Variants in ZNF860 observed in about 807,000 individuals in gnomAD.
ZNF860 encodes the protein zinc finger protein 860.
For missense variants in ZNF860, 641 were observed against 759.2 expected (o/e 0.84, Z 1.83); for synonymous variants, 206 against 248.9 (o/e 0.83, Z 1.62).
intron 1 of ZNF860, among the ~76,000 whole-genome samples, chr3:31,983,232 G>A (rs769629377): frequency 2.6e-5 from 4 of 152,228 alleles, no homozygotes; most frequent in Non-Finnish European, 4.4e-5. Context: ...CATACAGACT[G>A]AAGGTGGGAA....
At chr3:32,004,847 A>C in the ZNF860 span, among the ~76,000 whole-genome samples, 3 of 152,210 alleles carry the variant, frequency 2.0e-5, no homozygotes, top group Non-Finnish European at 4.4e-5. Flanking sequence ...TTACAGGTGC[A>C]TAAAATTAAG....
In ZNF860 at chr3:31,990,089, C is replaced by T. The variant is rs1699003482; in HGVS notation, c.1010C>T (p.Thr337Ile). ...CTTGAAAGACATAGGAGAATTCATA[C>T]TGGAGAGAAACCATACAAATGTAAG... ...SNLERHRRIHTGEKPYKCKVC... is the reference protein window; with the variant it reads ...SNLERHRRIHIGEKPYKCKVC... The change falls in exon 2 of 2, where the codon ACT becomes ATT. Residue 337 changes from threonine to isoleucine, a missense_variant. Thr to Ile is a moderately conservative substitution (Grantham distance 89). Transcript: ENST00000360311. 3 of 1,611,484 alleles carry T rather than the reference C, an allele frequency of 1.9e-6. No homozygotes were observed. Among genetic ancestry groups the T allele is most frequent in the Admixed American group, 1.7e-5 (1 of 59,838 alleles).
chr3:32,001,399 G>T, the ZNF860 span, among the ~76,000 whole-genome samples: 3 of 152,118 alleles, frequency 2.0e-5, no homozygotes, highest in South Asian at 4.2e-4. Context: ...TTACTTGAGG[G>T]TCTCTGGTAC....
the ZNF860 span, among the ~76,000 whole-genome samples, chr3:32,004,770 T>C: frequency 6.6e-6 from 1 of 152,156 alleles, no homozygotes; most frequent in African/African-American, 2.4e-5. Context: ...TATTTGCAGG[T>C]GTATGGCTTA....
chr3:32,001,163 C>T, the ZNF860 span, among the ~76,000 whole-genome samples: 1 of 152,192 alleles, frequency 6.6e-6, no homozygotes, highest in Non-Finnish European at 1.5e-5. Flanking sequence ...TAAGCTCCCT[C>T]ATTGTTTCAG....
downstream of ZNF860, among the ~76,000 whole-genome samples, chr3:31,993,357 C>T (rs1002059505): frequency 5.3e-5 from 8 of 151,740 alleles, no homozygotes; most frequent in South Asian, 2.1e-4. Context: ...TACAGGCATG[C>T]GCCACCATGC....
In ZNF860 at chr3:31,989,842, G is replaced by A. The variant is rs1484963419; in HGVS notation, c.763G>A (p.Gly255Arg). Residue 255 changes from glycine (G) to arginine (R), a missense_variant, in exon 2 of 2, where the codon GGG (glycine) becomes AGG (arginine). Coordinates refer to ENST00000360311, the MANE Select transcript of ZNF860 (RefSeq NM_001137674.3). ...LRKHQIIYLG[G>R]KQYKCDVCGK... is the part of the protein sequence containing the mutation. The stretch of plus-strand genomic sequence containing the variant: ...GAAACATCAGATAATCTATTTAGGA[G>A]GGAAACAATATAAATGTGATGTATG... 1 of 1,614,134 alleles carries A rather than the reference G, an allele frequency of 6.2e-7. No homozygotes were observed. Among genetic ancestry groups the A allele is most frequent in the South Asian group, 1.1e-5 (1 of 91,084 alleles).
intron 1 of ZNF860, among the ~76,000 whole-genome samples, chr3:31,987,612 G>A (rs1449818778): frequency 6.6e-6 from 1 of 152,146 alleles, no homozygotes. Flanking sequence ...TGTTTGAGCT[G>A]GGCTCTCTAA....
chr3:32,004,813 C>T, the ZNF860 span, among the ~76,000 whole-genome samples: 1 of 152,168 alleles, frequency 6.6e-6, no homozygotes, highest in Non-Finnish European at 1.5e-5. Flanking sequence ...TGTTTTAGAC[C>T]AAAGAAAAGG....
chr3:31,982,940 C>T (rs557857795), intron 1 of ZNF860, among the ~76,000 whole-genome samples: 74 of 152,316 alleles, frequency 4.9e-4, no homozygotes, highest in Non-Finnish European at 8.4e-4. Context: ...ATGCCCCTTC[C>T]AAACATAAGC....
At chr3:31,997,784 T>TTTTG in the ZNF860 span, among the ~76,000 whole-genome samples, 3 of 151,982 alleles carry the variant, frequency 2.0e-5, no homozygotes, top group African/African-American at 7.2e-5. Flanking sequence ...TTTTGTTTTG[T>TTTTG]TTTGTTTTTG....
rs750348454 is a variant in ZNF860, at chr3:31,989,913, A to G, written c.834A>G (p.Arg278=). Reference sequence around the variant, plus strand: ...AGCGATACCTTGCATGCCATCATAGATGTCACACTGGTGAGAAACCTTACA... The same window carrying G: ...AGCGATACCTTGCATGCCATCATAGGTGTCACACTGGTGAGAAACCTTACA... ...NQKRYLACHH[R]CHTGEKPYKC... The change falls in exon 2 of 2, where the codon AGA becomes AGG. Residue 278 remains arginine (R), a synonymous_variant. Transcript: ENST00000360311. 9 of 1,614,218 alleles carry G rather than the reference A, an allele frequency of 5.6e-6. No homozygotes were observed. The South Asian group carries it at 9.9e-5, about 18-fold the overall frequency.
Position 31,989,561 on chromosome 3 carries a change from C to G in ZNF860, c.482C>G (p.Ser161Trp). The part of the protein sequence containing the change: ...IKDQLGLSFH[S>W]HLPELHIFQT... ...GATCAGCTTGGATTAAGCTTTCATT[C>G]GCATCTTCCTGAACTCCACATATTT... Residue 161 changes from serine (S) to tryptophan (W), a missense_variant, in exon 2 of 2, where the codon TCG becomes TGG. Ser to Trp is a radical substitution (Grantham distance 177). Coordinates refer to ENST00000360311, the MANE Select transcript of ZNF860 (RefSeq NM_001137674.3). 1 of 1,614,170 alleles carries G rather than the reference C, an allele frequency of 6.2e-7. No individual in the cohort carries two copies. The highest frequency in any genetic ancestry group is 8.5e-7 in the Non-Finnish European group (1 of 1,180,024).
intron 1 of ZNF860, among the ~76,000 whole-genome samples, chr3:31,984,967 G>A (rs1018067703): frequency 3.9e-5 from 6 of 152,196 alleles, no homozygotes; most frequent in Non-Finnish European, 7.3e-5. Context: ...GGCCAGGCGC[G>A]GTGGCTCAAG....
the ZNF860 span, among the ~76,000 whole-genome samples, chr3:32,005,255 A>G: frequency 1.3e-5 from 2 of 152,080 alleles, no homozygotes; most frequent in Admixed American, 1.3e-4. Context: ...CTAATTTTTA[A>G]GATCTACCCA....
At chr3:31,994,807 T>C (rs1488945885), downstream of ZNF860, among the ~76,000 whole-genome samples, 1 of 152,154 alleles carries the variant, frequency 6.6e-6, no homozygotes, top group Non-Finnish European at 1.5e-5. Context: ...AATACCCCAG[T>C]ATCAGGGGAA....
At position 31,989,832 on chromosome 3, in the gene ZNF860, CTATT is replaced by C. The variant is rs773556438; in HGVS notation, c.756_759del (p.Tyr252Ter). On this transcript the variant is annotated frameshift_variant, in exon 2 of 2. Transcript: ENST00000360311. LOFTEE classifies it low-confidence loss of function (END_TRUNC). ...CACTCTTAAGGAAACATCAGATAAT[CTATT>C]TAGGAGGGAAACAATATAAATGTGA... 8 of 1,614,002 alleles carry C rather than the reference CTATT, an allele frequency of 5.0e-6. No individual in the cohort carries two copies. In the African/African-American group the frequency reaches 9.3e-5, roughly 19 times the overall value.
rs532261583 is a variant in ZNF860 at position 31,990,498 on chromosome 3, GGC to G, written c.1420_1421del (p.Ala474AsnfsTer11). 37 of 1,550,082 alleles carry G rather than the reference GGC, an allele frequency of 2.4e-5. No homozygotes were observed. The African/African-American group carries it at 5.0e-4, about 21-fold the overall frequency. On this transcript the variant is annotated frameshift_variant, in exon 2 of 2. Coordinates refer to ENST00000360311, the MANE Select transcript of ZNF860 (RefSeq NM_001137674.3). LOFTEE classifies it low-confidence loss of function (END_TRUNC). The stretch of plus-strand genomic sequence containing the variant: ...ACAATTCAGCCCTTGTAATTCATAA[GGC>G]AATTCATACTGGAGAGAAACCTTAC... The part of the protein sequence containing the change: ...HHNSALVIHK[A>X]IHTGEKPYKC...
the ZNF860 span, among the ~76,000 whole-genome samples, chr3:32,005,233 CT>C: frequency 2.6e-5 from 4 of 152,030 alleles, no homozygotes; most frequent in African/African-American, 9.7e-5. Context: ...CCCTTGCCCC[CT>C]ATCCCCAACA....
Sources: allele counts gnomAD v4.1 joint callset (sites outside exome capture counted in the v4.1 genomes callset), GRCh38; gene constraint gnomAD v4.1.1; transcripts MANE v1.5; gene names NCBI Gene and HGNC (gene_info 2026-07-23, HGNC 2026-07-21).